The following NRCAM variants were observed in gnomAD, a reference collection of about 807,000 sequenced individuals.
NRCAM encodes NgCAM-related cell adhesion molecule.
NRCAM carries 83 observed loss-of-function variants against 156.5 expected under a neutral mutation model. The observed-to-expected ratio is 0.53, with a 90% confidence interval of 0.44 to 0.64. NRCAM has a LOEUF of 0.64. NRCAM is among the 30% of genes least tolerant of loss of function. The pLI is 0.00. For synonymous variants in NRCAM, 538 were observed against 563.9 expected, an observed-to-expected ratio of 0.95 and a Z score of 0.65; for missense variants, 1,417 against 1,597.3, an observed-to-expected ratio of 0.89 and a Z score of 1.92.
chr7:108,376,156 CCTGA>C (rs1036211522), intron 2 of NRCAM, among the ~76,000 whole-genome samples: 7 of 152,146 alleles, frequency 4.6e-5, no homozygotes, highest in Non-Finnish European at 8.8e-5. Flanking sequence ...AATCCAGTTC[CCTGA>C]CTTTTTCCAG....
chr7:108,367,324 T>A (rs977972869), intron 2 of NRCAM, among the ~76,000 whole-genome samples: 1 of 152,176 alleles, frequency 6.6e-6, no homozygotes, highest in Non-Finnish European at 1.5e-5. Flanking sequence ...AATATATATA[T>A]AGTATTTTCA....
chr7:108,319,081 A>G (rs1321833566), intron 2 of NRCAM, among the ~76,000 whole-genome samples: 1 of 152,218 alleles, frequency 6.6e-6, no homozygotes, highest in Non-Finnish European at 1.5e-5. Context: ...ACACAACAAT[A>G]TAAATGTACT....
At chr7:108,432,547 C>G (rs577868838) in intron 1 of NRCAM, among the ~76,000 whole-genome samples, 1 of 152,170 alleles carries the variant, frequency 6.6e-6, no homozygotes, top group Admixed American at 6.5e-5. Context: ...AGTGTGCACA[C>G]TGAAGAGGAA....
chr7:108,396,804 C>CT, intron 2 of NRCAM, among the ~76,000 whole-genome samples: 1 of 152,260 alleles, frequency 6.6e-6, no homozygotes, highest in Middle Eastern at 3.4e-3. Context: ...TCACTGATGT[C>CT]TTTTTTAACT....
At chr7:108,213,571 A>G (rs2085990077) in intron 11 of NRCAM, among the ~76,000 whole-genome samples, 1 of 152,184 alleles carries the variant, frequency 6.6e-6, no homozygotes, top group African/African-American at 2.4e-5. Context: ...AAGGAGTGGA[A>G]AAAGTTATTT....
intron 1 of NRCAM, among the ~76,000 whole-genome samples, chr7:108,431,965 T>C (rs1825773113): frequency 6.6e-6 from 1 of 152,220 alleles, no homozygotes; most frequent in African/African-American, 2.4e-5. Context: ...CAGTCACTTC[T>C]TTGCCCAACC....
chr7:108,155,109 C>T (rs201254197), intron 32 of NRCAM, among the ~76,000 whole-genome samples: 68,938 of 105,290 alleles, frequency 0.65, 22,546 homozygotes, highest in East Asian at 0.8. Flanking sequence ...TATACACACA[C>T]ACACACACAC....
chr7:108,168,528 A>C, intron 28 of NRCAM, 126 bp from the exon 29 acceptor site: 1 of 828,242 alleles, frequency 1.2e-6, no homozygotes, highest in Non-Finnish European at 1.6e-6. Flanking sequence ...GCTAAAATTT[A>C]GGGTTCACTC....
intron 2 of NRCAM, among the ~76,000 whole-genome samples, chr7:108,390,562 C>T (rs913737306): frequency 6.6e-6 from 1 of 152,050 alleles, no homozygotes; most frequent in African/African-American, 2.4e-5. Flanking sequence ...TTTTTCGTGT[C>T]TCTATCTCCT....
chr7:108,327,631 T>C (rs1179838832), intron 2 of NRCAM, among the ~76,000 whole-genome samples: 5 of 152,096 alleles, frequency 3.3e-5, no homozygotes, highest in Non-Finnish European at 5.9e-5. Flanking sequence ...AAGCATGGAG[T>C]ATAATCTTAC....
At chr7:108,372,851 T>C (rs1273949754) in intron 2 of NRCAM, among the ~76,000 whole-genome samples, 2 of 152,142 alleles carry the variant, frequency 1.3e-5, no homozygotes, top group Non-Finnish European at 2.9e-5. Context: ...CTTCTGGGTA[T>C]TTGCCCAGAA....
intron 30 of NRCAM, among the ~76,000 whole-genome samples, chr7:108,166,244 TTTTC>T (rs2054075134): frequency 1.4e-5 from 2 of 144,478 alleles, no homozygotes; most frequent in African/African-American, 2.8e-5. Context: ...ACTTTCTTTC[TTTTC>T]TTTTTTTTTT....
At chr7:108,384,136 A>G (rs1237565641) in intron 2 of NRCAM, among the ~76,000 whole-genome samples, 1 of 152,164 alleles carries the variant, frequency 6.6e-6, no homozygotes, top group Non-Finnish European at 1.5e-5. Flanking sequence ...AAAGATAACT[A>G]TTGGGTACTG....
chr7:108,253,918 C>G (rs1319448938), intron 3 of NRCAM, among the ~76,000 whole-genome samples: 1 of 152,130 alleles, frequency 6.6e-6, no homozygotes, highest in African/African-American at 2.4e-5. Context: ...ATATACTCAG[C>G]CTCCTGCTCC....
At chr7:108,370,338 T>G (rs1195323604) in intron 2 of NRCAM, among the ~76,000 whole-genome samples, 1 of 152,180 alleles carries the variant, frequency 6.6e-6, no homozygotes, top group Non-Finnish European at 1.5e-5. Flanking sequence ...CGTCTTACTT[T>G]CTATGCCAAC....
At chr7:108,227,850 A>G (rs7783944) in intron 8 of NRCAM, among the ~76,000 whole-genome samples, 6,224 of 152,290 alleles carry the variant, frequency 0.041, 192 homozygotes, top group South Asian at 0.11. Flanking sequence ...ATGCAAAATT[A>G]TGGTTAAAAG....
At chr7:108,384,752 T>C (rs2099734486) in intron 2 of NRCAM, among the ~76,000 whole-genome samples, 1 of 152,186 alleles carries the variant, frequency 6.6e-6, no homozygotes, top group Non-Finnish European at 1.5e-5. Context: ...CTGGGTGATG[T>C]CCACACTGCT....
At chr7:108,376,474 T>G (rs892747022) in intron 2 of NRCAM, among the ~76,000 whole-genome samples, 1 of 152,136 alleles carries the variant, frequency 6.6e-6, no homozygotes, top group Non-Finnish European at 1.5e-5. Flanking sequence ...TTTGGATATG[T>G]GCAGGGCAGG....
chr7:108,312,276 T>C (rs1351452545), intron 3 of NRCAM, among the ~76,000 whole-genome samples: 7 of 152,226 alleles, frequency 4.6e-5, no homozygotes, highest in Non-Finnish European at 8.8e-5. Context: ...ACTTTTGATA[T>C]ATTATTGAAT....
Sources: gnomAD v4.1 joint callset for allele counts (sites outside exome capture counted in the v4.1 genomes callset) on GRCh38, gnomAD v4.1.1 for gene constraint, MANE v1.5 for transcripts, NCBI Gene and HGNC (gene_info 2026-07-23, HGNC 2026-07-21) for gene names.